Variants in COL9A3 observed in about 807,000 individuals in gnomAD.
COL9A3 encodes collagen type IX alpha 3 chain, also known as collagen alpha-3(IX) chain.
In COL9A3, 82 loss-of-function variants were observed where a neutral mutation model predicts 110.2. The observed-to-expected ratio is 0.74, with a 90% confidence interval of 0.62 to 0.89. The LOEUF (loss-of-function observed/expected upper bound fraction) is 0.89, where lower values mean the gene tolerates loss of function less well. Ranked by LOEUF, COL9A3 falls within the 40% of genes least tolerant of loss-of-function variation. COL9A3 has a pLI of 0.00. For synonymous variants in COL9A3, 494 were observed against 403.8 expected (o/e 1.22, Z -2.68); for missense variants, 1,066 against 981.3 (o/e 1.09, Z -1.15).
intron 2 of COL9A3, chr20:62,817,883 G>GGTCCCCT: frequency 1.6e-6 from 1 of 636,896 alleles, no homozygotes; most frequent in Non-Finnish European, 3.0e-6. Context: ...TGTGTCTCTG[G>GGTCCCCT]GTCCCCTGAG....
intron 26 of COL9A3, among the ~76,000 whole-genome samples, chr20:62,833,656 G>T (rs1054144841): frequency 7.9e-5 from 12 of 151,884 alleles, no homozygotes; most frequent in Non-Finnish European, 2.9e-5. Flanking sequence ...TCCCGCCTTG[G>T]TCTCTCAAAG....
At chr20:62,826,745 G>A (rs972354642) in intron 14 of COL9A3, 22 bp from the exon 15 acceptor site, 26 of 1,611,988 alleles carry the variant, frequency 1.6e-5, no homozygotes, top group African/African-American at 6.7e-5. Context: ...AGAGGACCCC[G>A]GATCCCCTCT....
Position 62,817,131 on chromosome 20 carries a change from G to T in COL9A3, c.67G>T (p.Ala23Ser). Reference sequence around the variant, plus strand: ...CCTGCTCGGGGAGCTTCTGGCGGCCGCCGGGGCGCAGGTGAGCGCGAGCTC... The same window carrying T: ...CCTGCTCGGGGAGCTTCTGGCGGCCTCCGGGGCGCAGGTGAGCGCGAGCTC... Reference protein sequence around the residue: ...LLLLGELLAAAGAQRVGLPGP... With the variant: ...LLLLGELLAASGAQRVGLPGP... The change falls in exon 1 of 32, where the codon GCC becomes TCC. Residue 23 changes from alanine (A) to serine (S), a missense_variant. Transcript: ENST00000649368. 7.2e-7 allele frequency: 1 copy of T among 1,397,214 alleles called. No homozygotes were observed. The highest frequency in any genetic ancestry group is 9.3e-7 in the Non-Finnish European group (1 of 1,070,028). 86.6% of individuals were successfully genotyped at this position (1,397,214 alleles called of 1,614,324 possible).
intron 1 of COL9A3, 139 bp downstream of exon 1, chr20:62,817,281 T>C: frequency 8.1e-6 from 5 of 613,530 alleles, no homozygotes; most frequent in Non-Finnish European, 1.2e-5. Context: ...CGCCAGCGCC[T>C]CGGGATGAGC....
chr20:62,837,636 G>C (rs540264092), intron 30 of COL9A3, among the ~76,000 whole-genome samples: 1 of 152,040 alleles, frequency 6.6e-6, no homozygotes, highest in East Asian at 1.9e-4. Context: ...GTGAAACCCT[G>C]TCTCTACTAA....
At chr20:62,821,606 C>T in intron 7 of COL9A3, 76 bp downstream of exon 7, 1 of 1,604,606 alleles carries the variant, frequency 6.2e-7, no homozygotes, top group African/African-American at 1.3e-5. Context: ...ATGTCCCAAA[C>T]CGTGCCTGGG....
chr20:62,817,891 G>A, intron 2 of COL9A3: 2 of 624,064 alleles, frequency 3.2e-6, no homozygotes, highest in Non-Finnish European at 6.1e-6. Context: ...TGGGTCCCCT[G>A]AGGGGCCCGT....
rs370882651 is a variant in COL9A3, at chr20:62,824,991, G to T, written c.600G>T (p.Glu200Asp). ...GFKGPTGYKGEQGEVGKDGEK... is the reference protein window; with the variant it reads ...GFKGPTGYKGDQGEVGKDGEK... ...AGGGACCCACTGGCTACAAAGGCGA[G>T]CAGGGGGAAGTCGGCAAGGACGGCG... The change falls in exon 12 of 32, where the codon GAG becomes GAT. Residue 200 changes from glutamate to aspartate, a missense_variant. By Grantham distance (45) the Glu-to-Asp change is conservative (BLOSUM62 2). Coordinates refer to ENST00000649368, the MANE Select transcript of COL9A3 (RefSeq NM_001853.4). 6.2e-7 allele frequency: 1 copy of T among 1,610,498 alleles called. No individual in the cohort carries two copies. The highest frequency in any genetic ancestry group is 1.1e-5 in the South Asian group (1 of 90,628).
chr20:62,817,183 G>C lies in COL9A3; in HGVS notation c.78+41G>C, dbSNP rs1453553109. 3 of 1,324,086 alleles carry C rather than the reference G, an allele frequency of 2.3e-6. No homozygotes were observed. In the African/African-American group the frequency reaches 4.6e-5, roughly 20 times the overall value. The allele number at this position is 1,324,086 out of a possible 1,614,324, so 82.0% of individuals were successfully genotyped here. On this transcript the variant is annotated intron_variant, in intron 1 of 31. Coordinates refer to ENST00000649368, the MANE Select transcript of COL9A3 (RefSeq NM_001853.4). ...GGGCTCTGAGGCTGGACGTGGAGCC[G>C]CGACCGCCCCAGCCCCGAACCCGCC...
rs1209127671 is a variant in COL9A3 at position 62,825,884 on chromosome 20, G to A, written c.684+14G>A. On this transcript the variant is annotated intron_variant, in intron 13 of 31. Transcript: ENST00000649368. Reference sequence around the variant, plus strand: ...GTGGGGCTGCAGGTGAGGCTAGGAAGGGGTAAGGATGGTGGGATGGGAACT... The same window carrying A: ...GTGGGGCTGCAGGTGAGGCTAGGAAAGGGTAAGGATGGTGGGATGGGAACT... 3.9e-6 allele frequency: 6 copies of A among 1,558,246 alleles called. No individual in the cohort carries two copies. The highest frequency in any genetic ancestry group is 3.8e-5 in the Admixed American group (2 of 51,992).
At chr20:62,838,175 G>A (rs868004970) in intron 30 of COL9A3, among the ~76,000 whole-genome samples, 10 of 152,220 alleles carry the variant, frequency 6.6e-5, no homozygotes, top group South Asian at 4.1e-4. Flanking sequence ...TGGTTCAGCC[G>A]TGCACGGCTC....
rs543074283 is a variant in COL9A3 at position 62,828,274 on chromosome 20, G to A, written c.900+298G>A. On this transcript the variant is annotated intron_variant, in intron 17 of 31. Coordinates refer to ENST00000649368, the MANE Select transcript of COL9A3 (RefSeq NM_001853.4). ...CACTCCCAGGGTCCCGGGCACCCATGCGGGCACCTTCCTTCCTGCTGGGTG... is the reference window on the plus strand; with the variant it reads ...CACTCCCAGGGTCCCGGGCACCCATACGGGCACCTTCCTTCCTGCTGGGTG... Among the ~76,000 whole-genome samples the A allele has an allele frequency of 9.2e-5, 14 of 152,334 alleles. No homozygotes were observed. The South Asian group carries it at 2.7e-3, about 29-fold the overall frequency.
At chr20:62,833,341 G>T (rs1163917658) in intron 26 of COL9A3, among the ~76,000 whole-genome samples, 1 of 152,246 alleles carries the variant, frequency 6.6e-6, no homozygotes, top group Non-Finnish European at 1.5e-5. Flanking sequence ...CTGCCCCGTG[G>T]AGTGGCACCT....
chr20:62,828,903 C>G lies in COL9A3; in HGVS notation c.955-20C>G. 1 of 1,612,484 alleles carries G rather than the reference C, an allele frequency of 6.2e-7. No individual in the cohort carries two copies. The highest frequency in any genetic ancestry group is 8.5e-7 in the Non-Finnish European group (1 of 1,179,872). ...GAGGCCTCAGCCTCCCCTTCCGCAC[C>G]CCAATCTCTGTCCTCACAGGGAGAG... is the stretch of plus-strand genomic sequence containing the variant. On this transcript the variant is annotated intron_variant, in intron 18 of 31. Coordinates refer to ENST00000649368, the MANE Select transcript of COL9A3 (RefSeq NM_001853.4).
At chr20:62,820,019 G>A in intron 5 of COL9A3, 37 bp downstream of exon 5, 1 of 1,610,200 alleles carries the variant, frequency 6.2e-7, no homozygotes. Context: ...CTTGGGTTCA[G>A]AGGTGAGGTC....
chr20:62,817,695 T>C (rs991879719), intron 2 of COL9A3, 60 bp downstream of exon 2: 3 of 1,126,944 alleles, frequency 2.7e-6, no homozygotes, highest in African/African-American at 1.6e-5. Context: ...GGCCCCCACC[T>C]CCCTGAGCTC....
intron 12 of COL9A3, chr20:62,825,510 C>A (rs2063545359): frequency 1.9e-6 from 1 of 520,224 alleles, no homozygotes; most frequent in Non-Finnish European, 3.5e-6. Context: ...CTGGAGTGAT[C>A]AGATGAGGAG....
chr20:62,826,970 A>G (rs2063557854), intron 15 of COL9A3, 150 bp downstream of exon 15: 1 of 865,748 alleles, frequency 1.2e-6, no homozygotes. Flanking sequence ...TGGCATGGGT[A>G]CGGGGGTGCT....
intron 4 of COL9A3, 147 bp downstream of exon 4, chr20:62,819,440 T>A: frequency 1.3e-6 from 1 of 778,308 alleles, no homozygotes; most frequent in Non-Finnish European, 2.2e-6. Context: ...CCAACAGGGG[T>A]CCTTTGGCCT....
Sources: allele counts gnomAD v4.1 joint callset (sites outside exome capture counted in the v4.1 genomes callset), GRCh38; gene constraint gnomAD v4.1.1; transcripts MANE v1.5; gene names NCBI Gene and HGNC (gene_info 2026-07-23, HGNC 2026-07-21).